SYNE2: variants seen among roughly 807,000 people sequenced by gnomAD.
SYNE2 encodes nesprin-2.
In SYNE2, 431 loss-of-function variants were observed where a neutral mutation model predicts 856.3. The observed-to-expected ratio is 0.50, with a 90% CI of 0.47 to 0.55. The LOEUF (loss-of-function observed/expected upper bound fraction) is 0.55, where lower values mean the gene tolerates loss of function less well. Among genes scored for constraint, SYNE2 ranks in the 20% least tolerant of loss-of-function variants. The probability of loss-of-function intolerance (pLI) is 0.00; values close to 1 mark genes in which losing one functional copy is unlikely to be tolerated. For synonymous variants in SYNE2, 2,923 were observed against 2,872.3 expected (o/e 1.02, Z -0.56); for missense variants, 8,129 against 8,023.2 (o/e 1.01, Z -0.50).
chr14:63,853,725 A>T (rs2140003710), intron 1 of SYNE2, among the ~76,000 whole-genome samples: 1 of 151,194 alleles, frequency 6.6e-6, no homozygotes, highest in East Asian at 2.0e-4. Context: ...GGGCGCGGGG[A>T]CGGGCGGCCC....
intron 2 of SYNE2, among the ~76,000 whole-genome samples, chr14:63,909,988 T>A (rs1595576680): frequency 6.6e-6 from 1 of 152,218 alleles, no homozygotes; most frequent in Non-Finnish European, 1.5e-5. Flanking sequence ...CTTGTGGAGT[T>A]TGGCAATATT....
At chr14:63,861,298 C>G (rs1041000649) in intron 1 of SYNE2, among the ~76,000 whole-genome samples, 2 of 151,834 alleles carry the variant, frequency 1.3e-5, no homozygotes, top group Admixed American at 1.3e-4. Flanking sequence ...GTGCGCACCA[C>G]CACGCCCAGC....
intron 18 of SYNE2, among the ~76,000 whole-genome samples, chr14:63,985,120 AG>A (rs1243943453): frequency 1.3e-5 from 2 of 152,348 alleles, no homozygotes; most frequent in African/African-American, 2.4e-5. Context: ...ATTTGAGGTC[AG>A]GAGTTTGAGA....
At chr14:63,881,015 T>C (rs1032102288) in intron 1 of SYNE2, among the ~76,000 whole-genome samples, 4 of 151,926 alleles carry the variant, frequency 2.6e-5, no homozygotes, top group Non-Finnish European at 4.4e-5. Flanking sequence ...ATCCGGCTAA[T>C]TTTTTTGTAT....
At position 64,167,383 on chromosome 14, in the gene SYNE2, T is replaced by G; in HGVS notation, c.16756T>G (p.Cys5586Gly). The G allele has an allele frequency of 6.2e-7, 1 of 1,614,248 alleles. No individual in the cohort carries two copies. The highest frequency in any genetic ancestry group is 8.5e-7 in the Non-Finnish European group (1 of 1,180,046). Reference sequence around the variant, plus strand: ...GGCCACGGCCACGGCACTGGAGCGCTGCAGGTTAGAACATCCCTTCTCTGT... The same window carrying G: ...GGCCACGGCCACGGCACTGGAGCGCGGCAGGTTAGAACATCCCTTCTCTGT... ...IRATATALER[C>G]SELQGIGLNE... Residue 5586 changes from cysteine (C) to glycine (G), a missense_variant, in exon 91 of 116, where the codon TGC becomes GGC. Transcript: ENST00000555002.
intron 99 of SYNE2, among the ~76,000 whole-genome samples, chr14:64,194,074 C>T (rs1181189837): frequency 5.3e-5 from 8 of 150,170 alleles, no homozygotes; most frequent in Admixed American, 4.0e-4. Flanking sequence ...CCTCAGGCAG[C>T]TTCTTACAGT....
At chr14:63,913,851 T>TTTAATTTTAAATTTTTAAATTTAAC (rs2095504093) in intron 2 of SYNE2, among the ~76,000 whole-genome samples, 3 of 152,098 alleles carry the variant, frequency 2.0e-5, no homozygotes, top group Admixed American at 1.3e-4. Flanking sequence ...TTAAATTTAA[T>TTTAATTTTAAATTTTTAAATTTAAC]TTAATTTTAA....
chr14:63,827,653 A>AG (rs1889498423), intron 1 of SYNE2, among the ~76,000 whole-genome samples: 10 of 148,688 alleles, frequency 6.7e-5, no homozygotes, highest in Admixed American at 2.7e-4. Context: ...AAAAAAAAAA[A>AG]AAAGAAAGAA....
At chr14:63,940,773 G>A in intron 3 of SYNE2, 98 bp downstream of exon 3, 2 of 1,019,010 alleles carry the variant, frequency 2.0e-6, no homozygotes, top group Non-Finnish European at 3.1e-6. Context: ...AATGGTACTG[G>A]TGATGACAGG....
intron 1 of SYNE2, among the ~76,000 whole-genome samples, chr14:63,855,611 T>C (rs567246680): frequency 3.9e-5 from 6 of 152,324 alleles, no homozygotes; most frequent in Admixed American, 3.9e-4. Context: ...TTGATGTTAT[T>C]TTGTCAGTGA....
chr14:63,897,675 G>T (rs2095275167), intron 1 of SYNE2, among the ~76,000 whole-genome samples: 1 of 152,180 alleles, frequency 6.6e-6, no homozygotes, highest in Non-Finnish European at 1.5e-5. Context: ...TGGCCTCAGT[G>T]GGCCTTCAGC....
At position 63,802,969 on chromosome 14, in the gene SYNE2, G is replaced by A. The variant is rs576744753; in HGVS notation, c.-305+40983G>A. ...AGAGTGAGCAGTAGGAAGATTTATT[G>A]CAAAGAGCGAAAGAACAAAACTTCC... On this transcript the variant is annotated intron_variant, in intron 1 of 23. Transcript: ENST00000674003. 1.8e-4 allele frequency among the ~76,000 whole-genome samples: 28 copies of A among 152,258 alleles called. No homozygotes were observed. In the East Asian group the frequency reaches 3.7e-3, roughly 20 times the overall value.
At chr14:63,922,335 A>G (rs2095610386) in intron 2 of SYNE2, among the ~76,000 whole-genome samples, 1 of 152,194 alleles carries the variant, frequency 6.6e-6, no homozygotes, top group South Asian at 2.1e-4. Flanking sequence ...CAAATAAAAT[A>G]TCCTCCATCT....
chr14:63,881,225 C>T (rs148107082), intron 1 of SYNE2, among the ~76,000 whole-genome samples: 29 of 151,960 alleles, frequency 1.9e-4, no homozygotes, highest in Middle Eastern at 3.4e-3. Context: ...GCAGTCTGCC[C>T]GCCTTGGCTT....
At chr14:64,172,574 A>G (rs571009198) in intron 94 of SYNE2, among the ~76,000 whole-genome samples, 1 of 152,194 alleles carries the variant, frequency 6.6e-6, no homozygotes, top group Non-Finnish European at 1.5e-5. Context: ...GAAGTCACAT[A>G]TATCGCTTCT....
chr14:64,169,026 G>A (rs1595955504), intron 93 of SYNE2, 55 bp downstream of exon 93: 3 of 1,375,548 alleles, frequency 2.2e-6, no homozygotes, highest in African/African-American at 2.9e-5. Context: ...AATGCATTCA[G>A]TCAGGGCAGG....
At position 64,122,343 on chromosome 14, in the gene SYNE2, C is replaced by T; in HGVS notation, c.13338C>T (p.Gly4446=). 1 of 1,614,132 alleles carries T rather than the reference C, an allele frequency of 6.2e-7. No homozygotes were observed. The highest frequency in any genetic ancestry group is 8.5e-7 in the Non-Finnish European group (1 of 1,180,030). Residue 4446 remains glycine, a synonymous_variant, in exon 70 of 116, where the codon GGC becomes GGT. Coordinates refer to ENST00000555002, the MANE Select transcript of SYNE2 (RefSeq NM_182914.3). ...CAGACTCGATCTTGTCACCCCAGGG[C>T]CAAAATGGAGATAAGTGGCAATATC... ...DVPDSILSPQ[G]QNGDKWQYLH...
rs2096747451 is a variant in SYNE2 at position 64,000,712 on chromosome 14, A to G, written c.3631A>G (p.Asn1211Asp). The G allele has an allele frequency of 1.2e-6, 2 of 1,611,622 alleles. No homozygotes were observed. The highest frequency in any genetic ancestry group is 1.7e-5 in the Admixed American group (1 of 59,938). The change falls in exon 28 of 116, where the codon AAT (asparagine) becomes GAT (aspartate). Residue 1211 changes from asparagine to aspartate, a missense_variant. Asn to Asp is a conservative substitution (Grantham distance 23). Transcript: ENST00000555002. ...ERERELQMTL[N>D]TRMESLETAL... ...AGAAAGAGAGCTTCAGATGACTCTT[A>G]ATACCAGGTAAAATTCTGAGATCTA... is the stretch of plus-strand genomic sequence containing the variant.
chr14:63,908,496 A>G (rs1361304414), intron 1 of SYNE2, among the ~76,000 whole-genome samples: 1 of 152,224 alleles, frequency 6.6e-6, no homozygotes, highest in Non-Finnish European at 1.5e-5. Context: ...TTCTTTAAGA[A>G]TCAAGGTGGG....
Sources: allele counts gnomAD v4.1 joint callset (sites outside exome capture counted in the v4.1 genomes callset), GRCh38; gene constraint gnomAD v4.1.1; transcripts MANE v1.5; gene names NCBI Gene and HGNC (gene_info 2026-07-23, HGNC 2026-07-21).